EPB41L2: variants seen among roughly 807,000 people sequenced by gnomAD.
EPB41L2 encodes the protein erythrocyte membrane protein band 4.1 like 2.
In EPB41L2, 43 loss-of-function variants were observed where a neutral mutation model predicts 113.0. The observed-to-expected ratio is 0.38, with a 90% CI of 0.30 to 0.49. EPB41L2 has a LOEUF of 0.49. Ranked by LOEUF, EPB41L2 falls within the 20% of genes least tolerant of loss-of-function variation. The pLI, the probability that EPB41L2 is intolerant of heterozygous loss-of-function variation, is 0.95. For missense variants in EPB41L2, 1,147 were observed against 1,223.4 expected (o/e 0.94, Z 0.93); for synonymous variants, 442 against 436.7 (o/e 1.01, Z -0.15).
intron 1 of EPB41L2, among the ~76,000 whole-genome samples, chr6:131,016,562 G>A (rs1425039279): frequency 4.1e-5 from 6 of 147,622 alleles, no homozygotes; most frequent in African/African-American, 1.0e-4. Flanking sequence ...AAAATGAATG[G>A]GAAAAACTCA....
intron 1 of EPB41L2, among the ~76,000 whole-genome samples, chr6:131,003,814 TC>T (rs1174683356): frequency 6.6e-6 from 1 of 152,086 alleles, no homozygotes; most frequent in Non-Finnish European, 1.5e-5. Context: ...GCAGGTTATA[TC>T]GGAAAAAAAG....
chr6:130,872,371 C>T lies in EPB41L2; in HGVS notation c.2044-2245G>A, dbSNP rs986608741. On this transcript the variant is annotated intron_variant, in intron 14 of 19. Coordinates refer to ENST00000337057, the MANE Select transcript of EPB41L2 (RefSeq NM_001431.4). Reference sequence around the variant, plus strand: ...ACAGGGGAAACAAAGTAAAATGCACCTCAAGCAAGTGTGAGAAGGGCGAGG... The same window carrying T: ...ACAGGGGAAACAAAGTAAAATGCACTTCAAGCAAGTGTGAGAAGGGCGAGG... 2.3e-5 allele frequency: 30 copies of T among 1,286,358 alleles called. No individual in the cohort carries two copies. The South Asian group carries it at 3.2e-4, about 14-fold the overall frequency. 79.7% of individuals were successfully genotyped at this position (1,286,358 alleles called of 1,614,324 possible).
intron 19 of EPB41L2, among the ~76,000 whole-genome samples, chr6:130,846,845 C>T (rs1473366427): frequency 7.9e-5 from 12 of 152,172 alleles, no homozygotes; most frequent in Admixed American, 7.9e-4. Flanking sequence ...AAAAAAATAT[C>T]GGATTTAACT....
At chr6:131,059,239 C>G (rs193068555) in intron 1 of EPB41L2, among the ~76,000 whole-genome samples, 1 of 151,832 alleles carries the variant, frequency 6.6e-6, no homozygotes, top group African/African-American at 2.4e-5. Context: ...CTCAGCCTCC[C>G]GAGTAGCTGG....
chr6:130,876,748 T>C, intron 14 of EPB41L2: 2 of 1,304,102 alleles, frequency 1.5e-6, no homozygotes, highest in Non-Finnish European at 2.0e-6. Context: ...ACGGATAAAA[T>C]ATCCTTGAAA....
chr6:130,871,182 T>C (rs1354916399), intron 14 of EPB41L2, among the ~76,000 whole-genome samples: 1 of 152,210 alleles, frequency 6.6e-6, no homozygotes, highest in African/African-American at 2.4e-5. Context: ...AACAAATTAC[T>C]ATGTTATGAT....
chr6:130,902,817 G>A (rs1044831790), intron 6 of EPB41L2, among the ~76,000 whole-genome samples: 2 of 152,116 alleles, frequency 1.3e-5, no homozygotes, highest in Non-Finnish European at 2.9e-5. Context: ...AACAAAAAAT[G>A]GCATGAGCTT....
At chr6:131,031,223 A>G (rs779101446) in intron 1 of EPB41L2, among the ~76,000 whole-genome samples, 3 of 152,230 alleles carry the variant, frequency 2.0e-5, no homozygotes, top group Non-Finnish European at 4.4e-5. Flanking sequence ...TTAAAAGCAA[A>G]TTTACCTAAA....
intron 5 of EPB41L2, among the ~76,000 whole-genome samples, chr6:130,906,721 T>A (rs531882870): frequency 6.6e-6 from 1 of 152,324 alleles, no homozygotes; most frequent in South Asian, 2.1e-4. Flanking sequence ...CTTCGCTAAC[T>A]GCCTATGAGC....
intron 1 of EPB41L2, among the ~76,000 whole-genome samples, chr6:131,026,222 T>A (rs928763533): frequency 6.6e-6 from 1 of 152,176 alleles, no homozygotes; most frequent in South Asian, 2.1e-4. Context: ...AACAAACAGA[T>A]AACAGATACA....
At chr6:131,022,169 G>A (rs538590675) in intron 1 of EPB41L2, among the ~76,000 whole-genome samples, 131 of 152,146 alleles carry the variant, frequency 8.6e-4, no homozygotes, top group Non-Finnish European at 1.5e-3. Flanking sequence ...TAAGGAGTAC[G>A]CAACCTAGAT....
intron 1 of EPB41L2, among the ~76,000 whole-genome samples, chr6:131,014,362 TAA>T (rs1241862779): frequency 6.6e-6 from 1 of 152,184 alleles, no homozygotes; most frequent in Non-Finnish European, 1.5e-5. Flanking sequence ...GATGACCCTT[TAA>T]AAACCAGGAA....
intron 1 of EPB41L2, chr6:131,015,722 A>G (rs1788037578): frequency 6.6e-6 from 1 of 152,246 alleles, no homozygotes. Context: ...ACTTCCACCT[A>G]CATTCAACTA....
intron 1 of EPB41L2, among the ~76,000 whole-genome samples, chr6:130,968,967 A>G (rs1776056187): frequency 6.6e-6 from 1 of 152,188 alleles, no homozygotes; most frequent in Non-Finnish European, 1.5e-5. Context: ...TCTGGAGTCC[A>G]CCAAAAAATG....
At chr6:130,842,790 T>C (rs1775918568) in intron 19 of EPB41L2, among the ~76,000 whole-genome samples, 1 of 152,186 alleles carries the variant, frequency 6.6e-6, no homozygotes, top group African/African-American at 2.4e-5. Flanking sequence ...CTCAAAAAAC[T>C]TCAACATTTA....
At chr6:131,005,178 GTT>G (rs5880046) in intron 1 of EPB41L2, among the ~76,000 whole-genome samples, 71 of 145,142 alleles carry the variant, frequency 4.9e-4, no homozygotes, top group Non-Finnish European at 4.4e-4. Context: ...CTTTTACAGA[GTT>G]TTTTTTTTTT....
intron 1 of EPB41L2, among the ~76,000 whole-genome samples, chr6:130,957,529 T>C (rs12202345): frequency 0.12 from 18,094 of 151,984 alleles, 2,022 homozygotes; most frequent in African/African-American, 0.29. Flanking sequence ...ACGGACATGG[T>C]TATTCCTGTA....
intron 1 of EPB41L2, among the ~76,000 whole-genome samples, chr6:130,975,626 A>G (rs1366072026): frequency 3.3e-5 from 5 of 152,192 alleles, no homozygotes; most frequent in African/African-American, 9.7e-5. Flanking sequence ...TCTAGCCCCC[A>G]TCTGTAAAGT....
chr6:130,939,378 C>G (rs1809989648), intron 3 of EPB41L2, among the ~76,000 whole-genome samples: 1 of 152,112 alleles, frequency 6.6e-6, no homozygotes, highest in South Asian at 2.1e-4. Context: ...CTCAGCCTCC[C>G]AAGTAGCTGG....
Sources: gnomAD v4.1 joint callset for allele counts (sites outside exome capture counted in the v4.1 genomes callset) on GRCh38, gnomAD v4.1.1 for gene constraint, MANE v1.5 for transcripts, NCBI Gene and HGNC (gene_info 2026-07-23, HGNC 2026-07-21) for gene names.